Variants in ARID1B observed in about 807,000 individuals in gnomAD.
ARID1B encodes AT-rich interactive domain-containing protein 1B.
In ARID1B, 30 loss-of-function variants were observed where a neutral mutation model predicts 212.3. The observed-to-expected ratio is 0.14, with a 90% CI of 0.11 to 0.19. The LOEUF is 0.19. Among genes scored for constraint, ARID1B ranks in the 10% least tolerant of loss-of-function variants. ARID1B has a pLI of 1.00. For synonymous variants in ARID1B, 1,402 were observed against 1,301.7 expected, an observed-to-expected ratio of 1.08 and a Z score of -1.66; for missense variants, 2,891 against 3,204.0, an observed-to-expected ratio of 0.90 and a Z score of 2.36.
At chr6:157,027,280 C>T (rs764103065) in intron 4 of ARID1B, among the ~76,000 whole-genome samples, 2 of 152,068 alleles carry the variant, frequency 1.3e-5, no homozygotes, top group Non-Finnish European at 2.9e-5. Context: ...TTCAGTATAC[C>T]TAATCTTACA....
At chr6:157,112,364 T>C (rs1263068714) in intron 6 of ARID1B, among the ~76,000 whole-genome samples, 1 of 150,264 alleles carries the variant, frequency 6.7e-6, no homozygotes, top group Non-Finnish European at 1.5e-5. Context: ...CTTACTAAAA[T>C]CCTTTTTTGG....
Position 157,148,840 on chromosome 6 carries a change from T to C in ARID1B, c.2978T>C (p.Met993Thr), listed in dbSNP as rs752405476. ...AGCATGACCCCCAGTTCTCCTGGCA[T>C]GTCTCAGCAGGGAGGGCCAGGAATG... ...MSSMTPSSPG[M>T]SQQGGPGMGP... Residue 993 changes from methionine (M) to threonine (T), a missense_variant, in exon 8 of 20, where the codon ATG becomes ACG. Coordinates refer to ENST00000636930, the MANE Select transcript of ARID1B (RefSeq NM_001374828.1). This position sits in a 1 kb window ranked among gnomAD's most constrained non-coding sequence, Gnocchi z 5.6. The C allele has an allele frequency of 6.2e-7, 1 of 1,613,000 alleles. No homozygotes were observed. The highest frequency in any genetic ancestry group is 2.2e-5 in the East Asian group (1 of 44,882).
rs1168231190 is a variant in ARID1B at position 157,206,981 on chromosome 6, G to T, written c.6209G>T (p.Cys2070Phe). The T allele has an allele frequency of 1.9e-6, 3 of 1,614,250 alleles. No individual in the cohort carries two copies. The highest frequency in any genetic ancestry group is 2.5e-6 in the Non-Finnish European group (3 of 1,180,058). ...GACTCGCTGGCTAAGCGATGCATCT[G>T]TGTGTCCAATATTGTCCGTAGCTTG... is the stretch of plus-strand genomic sequence containing the variant. ...WQDSLAKRCICVSNIVRSLSF... is the reference protein window; with the variant it reads ...WQDSLAKRCIFVSNIVRSLSF... Residue 2070 changes from cysteine (C) to phenylalanine (F), a missense_variant, in exon 20 of 20, where the codon TGT (cysteine) becomes TTT (phenylalanine). Cys to Phe is a radical substitution (Grantham distance 205). Coordinates refer to ENST00000636930, the MANE Select transcript of ARID1B (RefSeq NM_001374828.1). This position sits in a 1 kb window ranked among gnomAD's most constrained non-coding sequence, Gnocchi z 6.8.
chr6:156,936,447 A>G lies in ARID1B; in HGVS notation c.2247+871A>G, dbSNP rs1339084125. The G allele has an allele frequency of 2.0e-5, 3 of 151,976 alleles. No individual in the cohort carries two copies. The East Asian group carries it at 5.8e-4, about 29-fold the overall frequency. The allele number at this position is 151,976 out of a possible 1,614,324, so 9.4% of individuals were successfully genotyped here. ...AAGAGTAGTGGCTATTATATGGGGTATCATGTTGATGCTCATAAATAGTTC... is the reference window on the plus strand; with the variant it reads ...AAGAGTAGTGGCTATTATATGGGGTGTCATGTTGATGCTCATAAATAGTTC... On this transcript the variant is annotated intron_variant, in intron 4 of 19. Transcript: ENST00000636930.
intron 6 of ARID1B, among the ~76,000 whole-genome samples, chr6:157,113,290 G>A (rs1289191873): frequency 1.3e-5 from 2 of 152,200 alleles, no homozygotes; most frequent in Non-Finnish European, 2.9e-5. Context: ...TTTTATGAAT[G>A]TGATCTCTAA....
chr6:156,781,523 C>T (rs1779265310), intron 1 of ARID1B, among the ~76,000 whole-genome samples: 1 of 152,012 alleles, frequency 6.6e-6, no homozygotes, highest in Admixed American at 6.5e-5. Flanking sequence ...GGTATTTTAA[C>T]AATAATCATA....
intron 2 of ARID1B, among the ~76,000 whole-genome samples, chr6:156,893,060 T>TTTTTTTTTTTTTTTTTTTTTTTTTTTG: frequency 7.3e-6 from 1 of 137,766 alleles, no homozygotes; most frequent in African/African-American, 2.8e-5. Flanking sequence ...TTTTTTTTTT[T>TTTTTTTTTTTTTTTTTTTTTTTTTTTG]GAGATGGAGT....
Position 157,039,322 on chromosome 6 carries a change from C to CTTTTTTTTTTTTTTTTTTTTTTTTTTTTT in ARID1B, c.2248-45321_2248-45320insTTTTTTTTTTTTTTTTTTTTTTTTTTTTT, listed in dbSNP as rs1003131791. ...ATTAAAAATGGGAAATTTGACATTT[C>CTTTTTTTTTTTTTTTTTTTTTTTTTTTTT]TTTTTTTTTTTTTTTTTTTGAGACG... is the stretch of plus-strand genomic sequence containing the variant. On this transcript the variant is annotated intron_variant, in intron 4 of 19. Transcript: ENST00000636930. 2.6e-4 allele frequency among the ~76,000 whole-genome samples: 27 copies of CTTTTTTTTTTTTTTTTTTTTTTTTTTTTT among 102,952 alleles called. 7 individuals carry two copies. Among genetic ancestry groups the CTTTTTTTTTTTTTTTTTTTTTTTTTTTTT allele is most frequent in the Non-Finnish European group, 3.9e-4 (20 of 50,932 alleles). 67.5% of individuals were successfully genotyped at this position (102,952 alleles called of 152,430 possible). A position where few individuals can be genotyped will look rare whatever the true frequency, so the allele number is the denominator to read the frequency against.
At chr6:157,177,992 C>G (rs1292216480) in intron 11 of ARID1B, among the ~76,000 whole-genome samples, 1 of 152,184 alleles carries the variant, frequency 6.6e-6, no homozygotes, top group African/African-American at 2.4e-5. Context: ...TACATGCTCT[C>G]TATTCACTAA....
Position 156,855,565 on chromosome 6 carries a change from A to G in ARID1B, c.1986+26144A>G, listed in dbSNP as rs541902372. On this transcript the variant is annotated intron_variant, in intron 2 of 19. Transcript: ENST00000636930. ...GTCAGTGTTTCTGATAAAGTTTGTAAAATAATCATTTTATAATTATATTAA... is the reference window on the plus strand; with the variant it reads ...GTCAGTGTTTCTGATAAAGTTTGTAGAATAATCATTTTATAATTATATTAA... Among the ~76,000 whole-genome samples the G allele has an allele frequency of 9.2e-5, 14 of 152,370 alleles. No homozygotes were observed. In the South Asian group the frequency reaches 2.9e-3, roughly 32 times the overall value.
intron 3 of ARID1B, among the ~76,000 whole-genome samples, chr6:156,909,314 C>T (rs985587935): frequency 1.3e-5 from 2 of 151,602 alleles, no homozygotes; most frequent in Non-Finnish European, 2.9e-5. Flanking sequence ...TTAGTAGAAA[C>T]GGGGTTTCAC....
At chr6:156,790,318 TTAAACATTGTA>T (rs1779924010) in intron 1 of ARID1B, among the ~76,000 whole-genome samples, 1 of 152,244 alleles carries the variant, frequency 6.6e-6, no homozygotes, top group African/African-American at 2.4e-5. Context: ...TTGTAAATTG[TTAAACATTGTA>T]TTAATTGTTG....
chr6:157,115,971 G>C (rs1787300103), intron 6 of ARID1B, among the ~76,000 whole-genome samples: 1 of 152,104 alleles, frequency 6.6e-6, no homozygotes. Flanking sequence ...AGGCATTGGA[G>C]GAACAGTTCA....
intron 1 of ARID1B, among the ~76,000 whole-genome samples, chr6:156,784,328 T>C (rs148715462): frequency 1.6e-3 from 245 of 152,356 alleles, no homozygotes; most frequent in African/African-American, 5.5e-3. Flanking sequence ...AAACTGTTCC[T>C]CTACCAAGAA....
chr6:156,862,696 G>A (rs1039037959), intron 2 of ARID1B, among the ~76,000 whole-genome samples: 3 of 152,122 alleles, frequency 2.0e-5, no homozygotes, highest in Non-Finnish European at 2.9e-5. Context: ...AGGAGGAGGC[G>A]GTAGATGTGG....
chr6:156,872,583 A>G (rs2128147891), intron 2 of ARID1B, among the ~76,000 whole-genome samples: 1 of 152,244 alleles, frequency 6.6e-6, no homozygotes, highest in East Asian at 1.9e-4. Flanking sequence ...AGCCTCCCAA[A>G]GTGCTGAGCC....
intron 2 of ARID1B, among the ~76,000 whole-genome samples, chr6:156,899,206 CAT>C (rs1416085451): frequency 2.0e-5 from 3 of 150,930 alleles, no homozygotes. Flanking sequence ...AAGGCAGAGT[CAT>C]GTGACTGACC....
intron 2 of ARID1B, among the ~76,000 whole-genome samples, chr6:156,883,128 C>T (rs561617600): frequency 6.6e-6 from 1 of 152,332 alleles, no homozygotes; most frequent in South Asian, 2.1e-4. Flanking sequence ...CCCATACCGA[C>T]AGCATCTTAC....
At chr6:156,941,254 T>G (rs1792653313) in intron 4 of ARID1B, 1 of 152,248 alleles carries the variant, frequency 6.6e-6, no homozygotes, top group East Asian at 1.9e-4. Flanking sequence ...GGAAGCCTCC[T>G]GTGCCAGGGA....
Sources: gnomAD v4.1 joint callset for allele counts (sites outside exome capture counted in the v4.1 genomes callset) on GRCh38, gnomAD v4.1.1 for gene constraint, Gnocchi (gnomAD v3.1) non-coding constraint, MANE v1.5 for transcripts, NCBI Gene and HGNC (gene_info 2026-07-23, HGNC 2026-07-21) for gene names.